GPHN: variants seen among roughly 807,000 people sequenced by gnomAD.
The protein encoded by GPHN is gephyrin.
GPHN carries 17 observed loss-of-function variants against 95.5 expected under a neutral mutation model. The observed-to-expected ratio is 0.18, with a 90% CI of 0.12 to 0.27. The LOEUF (loss-of-function observed/expected upper bound fraction) is 0.27. GPHN is among the 10% of genes least tolerant of loss of function. The pLI, the probability that GPHN is intolerant of heterozygous loss-of-function variation, is 1.00. For missense variants in GPHN, 660 were observed against 978.1 expected (o/e 0.67, Z 4.34); for synonymous variants, 320 against 322.5 (o/e 0.99, Z 0.08).
the GPHN span, chr14:67,575,559 C>T: frequency 1.2e-5 from 10 of 820,730 alleles, no homozygotes; most frequent in Non-Finnish European, 2.1e-5. Flanking sequence ...AAAGTCCCTA[C>T]CCCACGTAAC....
intron 2 of GPHN, among the ~76,000 whole-genome samples, chr14:66,690,694 G>C (rs549500815): frequency 6.6e-6 from 1 of 152,082 alleles, no homozygotes; most frequent in African/African-American, 2.4e-5. Context: ...CCAATGTTGG[G>C]TGCATATTAT....
At chr14:67,653,714 G>C in the GPHN span, among the ~76,000 whole-genome samples, 23 of 152,210 alleles carry the variant, frequency 1.5e-4, no homozygotes, top group African/African-American at 5.5e-4. Flanking sequence ...CATCTTCCCA[G>C]GTTGCTGCTG....
At chr14:67,387,453 ACCCCTAGG>A in the GPHN span, 1 of 1,602,890 alleles carries the variant, frequency 6.2e-7, no homozygotes, top group Non-Finnish European at 8.5e-7. Context: ...ATTCCCTTTA[ACCCCTAGG>A]CAGAAAAAAG....
the GPHN span, among the ~76,000 whole-genome samples, chr14:67,290,732 G>A: frequency 0.19 from 28,825 of 151,200 alleles, 4,402 homozygotes; most frequent in East Asian, 0.48. Flanking sequence ...ACAGGGCTTC[G>A]CCATGTTGCC....
At chr14:67,054,624 A>G (rs995806616) in intron 10 of GPHN, among the ~76,000 whole-genome samples, 1 of 152,230 alleles carries the variant, frequency 6.6e-6, no homozygotes, top group Non-Finnish European at 1.5e-5. Flanking sequence ...ATGGAACCAA[A>G]AAAGAGCCTA....
At chr14:66,525,036 G>A (rs917891917) in intron 1 of GPHN, among the ~76,000 whole-genome samples, 8 of 152,142 alleles carry the variant, frequency 5.3e-5, no homozygotes, top group East Asian at 1.9e-4. Flanking sequence ...GCTGGGTCAC[G>A]TGGTATTTCT....
Position 66,551,638 on chromosome 14 carries a change from G to A in GPHN, c.64+43047G>A, listed in dbSNP as rs112006390. Among the ~76,000 whole-genome samples, 554 of 152,294 alleles carry A rather than the reference G, an allele frequency of 3.6e-3. 12 individuals are homozygous for A. The highest frequency in any genetic ancestry group is 0.013 in the African/African-American group (528 of 41,558). ...AAGAAGTTCTTGGGACTGGGTAATT[G>A]ATAAAGAAAAGAGGTTTAATTGGCT... On this transcript the variant is annotated intron_variant, in intron 1 of 22. Coordinates refer to ENST00000478722, the MANE Select transcript of GPHN (RefSeq NM_020806.5).
the GPHN span, chr14:67,360,335 G>T: frequency 2.5e-6 from 1 of 397,778 alleles, no homozygotes; most frequent in East Asian, 3.6e-5. Context: ...CGCATGCGCG[G>T]TGGAGTGAGC....
At chr14:66,516,219 T>C (rs1453252042) in intron 1 of GPHN, among the ~76,000 whole-genome samples, 2 of 151,254 alleles carry the variant, frequency 1.3e-5, no homozygotes, top group Non-Finnish European at 2.9e-5. Flanking sequence ...AGTTTTACCA[T>C]GTTGGCCAGG....
intron 8 of GPHN, among the ~76,000 whole-genome samples, chr14:66,954,596 C>T (rs2068355294): frequency 6.6e-6 from 1 of 152,124 alleles, no homozygotes; most frequent in East Asian, 1.9e-4. Context: ...TACGTCCTTT[C>T]CAATTTGAAG....
At chr14:67,567,389 G>A in the GPHN span, among the ~76,000 whole-genome samples, 2 of 152,174 alleles carry the variant, frequency 1.3e-5, no homozygotes, top group African/African-American at 2.4e-5. Flanking sequence ...TTGTCAAACA[G>A]TCATAGGTTT....
chr14:67,479,703 G>A, the GPHN span, among the ~76,000 whole-genome samples: 1 of 152,186 alleles, frequency 6.6e-6, no homozygotes, highest in Non-Finnish European at 1.5e-5. Flanking sequence ...AGGTGACAGA[G>A]TGAGACTCCG....
At chr14:67,370,737 T>A in the GPHN span, among the ~76,000 whole-genome samples, 1 of 152,202 alleles carries the variant, frequency 6.6e-6, no homozygotes, top group African/African-American at 2.4e-5. Flanking sequence ...TCAAGAAAAT[T>A]CGGTCCTGAC....
chr14:67,398,139 C>T, the GPHN span: 1 of 234,564 alleles, frequency 4.3e-6, no homozygotes, highest in South Asian at 1.8e-4. Context: ...GTATTTCCTT[C>T]CGGTCTTTTT....
the GPHN span, chr14:67,411,995 C>G: frequency 2.0e-6 from 3 of 1,537,558 alleles, no homozygotes; most frequent in South Asian, 3.6e-5. Flanking sequence ...CGGGCAATGT[C>G]CCGAAGCTCG....
chr14:67,487,392 T>C, the GPHN span, among the ~76,000 whole-genome samples: 1 of 152,214 alleles, frequency 6.6e-6, no homozygotes, highest in Non-Finnish European at 1.5e-5. Context: ...ACAATCCACA[T>C]GTCCAGGGTT....
intron 10 of GPHN, among the ~76,000 whole-genome samples, chr14:67,056,818 G>A (rs913070623): frequency 1.3e-5 from 2 of 152,098 alleles, no homozygotes; most frequent in African/African-American, 4.8e-5. Flanking sequence ...GGGTGGGGGG[G>A]GGTCACTCAG....
chr14:66,998,803 G>A (rs2071993269), intron 9 of GPHN, among the ~76,000 whole-genome samples: 1 of 150,434 alleles, frequency 6.6e-6, no homozygotes, highest in African/African-American at 2.4e-5. Flanking sequence ...AGTTGTATAG[G>A]AACAAGATTT....
the GPHN span, among the ~76,000 whole-genome samples, chr14:67,726,584 C>T: frequency 0.064 from 9,800 of 152,088 alleles, 1,003 homozygotes; most frequent in African/African-American, 0.22. Context: ...GCGTTCAAGG[C>T]AAAGACTTTA....
Sources: allele counts gnomAD v4.1 joint callset (sites outside exome capture counted in the v4.1 genomes callset), GRCh38; gene constraint gnomAD v4.1.1; transcripts MANE v1.5; gene names NCBI Gene and HGNC (gene_info 2026-07-23, HGNC 2026-07-21).